The following AGBL1 variants were observed in gnomAD, a reference collection of about 807,000 sequenced individuals.
The protein encoded by AGBL1 is cytosolic carboxypeptidase 4.
In AGBL1, 130 loss-of-function variants were observed where a neutral mutation model predicts 118.9. The observed-to-expected ratio is 1.09, with a 90% confidence interval of 0.95 to 1.26. The LOEUF is 1.26. Ranked by LOEUF, AGBL1 falls within the 50% of genes most tolerant of loss-of-function variation. The pLI is 0.00. For synonymous variants in AGBL1, 555 were observed against 478.9 expected, an observed-to-expected ratio of 1.16 and a Z score of -2.08; for missense variants, 1,584 against 1,298.1, an observed-to-expected ratio of 1.22 and a Z score of -3.38.
chr15:86,633,871 ATATAATG>A (rs1453847053), intron 21 of AGBL1, among the ~76,000 whole-genome samples: 491 of 18,240 alleles, frequency 0.027, 6 homozygotes, highest in East Asian at 0.19. Context: ...TAATGTATAT[ATATAATG>A]TATATATATA....
rs755514874 is a variant in AGBL1 at position 86,925,099 on chromosome 15, C to CTCT, written c.3222-62888_3222-62887insTCT. 4.9e-3 allele frequency among the ~76,000 whole-genome samples: 590 copies of CTCT among 121,422 alleles called. 1 individual carries two copies. The highest frequency in any genetic ancestry group is 6.8e-3 in the Non-Finnish European group (393 of 58,198). 79.7% of individuals were successfully genotyped at this position (121,422 alleles called of 152,430 possible). The stretch of plus-strand genomic sequence containing the variant: ...CCTGTGTGACAGAGTGAGACTCTGT[C>CTCT]AAGAAGAAGAAGAAGAAGAAGAAGA... On this transcript the variant is annotated intron_variant, in intron 23 of 24. Coordinates refer to the AGBL1 transcript ENST00000441037.
chr15:86,988,036 T>G, exon 24 of AGBL1: 1 of 1,613,574 alleles, frequency 6.2e-7, no homozygotes, highest in East Asian at 2.2e-5. Flanking sequence ...TGCTTACCAC[T>G]TTTTTGCCAT....
At chr15:86,538,759 G>A (rs1175813284) in intron 19 of AGBL1, among the ~76,000 whole-genome samples, 1 of 152,252 alleles carries the variant, frequency 6.6e-6, no homozygotes, top group Non-Finnish European at 1.5e-5. Context: ...GGAAAGCACA[G>A]CAGTTTACAT....
chr15:86,602,762 A>C (rs1208883986), intron 21 of AGBL1, among the ~76,000 whole-genome samples: 1 of 152,218 alleles, frequency 6.6e-6, no homozygotes, highest in Non-Finnish European at 1.5e-5. Flanking sequence ...TGAAAATGAG[A>C]ATTCTGAAGT....
intron 18 of AGBL1, among the ~76,000 whole-genome samples, chr15:86,454,199 C>T (rs1160720258): frequency 6.6e-6 from 1 of 152,172 alleles, no homozygotes; most frequent in Non-Finnish European, 1.5e-5. Flanking sequence ...ACTGTGGTGG[C>T]TTCTGAGAGT....
At chr15:86,467,740 C>G (rs1244283493) in intron 18 of AGBL1, among the ~76,000 whole-genome samples, 1 of 152,210 alleles carries the variant, frequency 6.6e-6, no homozygotes, top group East Asian at 1.9e-4. Flanking sequence ...TCCCCAACCC[C>G]TTGCACTTCC....
intron 22 of AGBL1, among the ~76,000 whole-genome samples, chr15:86,683,102 G>A (rs2085990414): frequency 6.6e-6 from 1 of 152,134 alleles, no homozygotes; most frequent in Non-Finnish European, 1.5e-5. Context: ...GTGTACACAT[G>A]CTGATTACGA....
intron 22 of AGBL1, among the ~76,000 whole-genome samples, chr15:86,872,439 A>AT (rs1358014407): frequency 1.3e-5 from 2 of 152,198 alleles, no homozygotes; most frequent in Admixed American, 1.3e-4. Flanking sequence ...GCTTACTATT[A>AT]TTGCAGAGAA....
chr15:86,751,060 T>A (rs111455050), intron 22 of AGBL1, among the ~76,000 whole-genome samples: 2 of 152,118 alleles, frequency 1.3e-5, no homozygotes, highest in Admixed American at 6.6e-5. Flanking sequence ...TGTAGGTTGA[T>A]TCCATGTCTT....
downstream of AGBL1, among the ~76,000 whole-genome samples, chr15:86,919,847 A>C (rs968780155): frequency 2.0e-5 from 3 of 152,158 alleles, no homozygotes; most frequent in South Asian, 6.2e-4. Flanking sequence ...AAGCACTCAC[A>C]GTGTCTGGAG....
chr15:86,354,510 A>G (rs2080681786), intron 17 of AGBL1, among the ~76,000 whole-genome samples: 1 of 152,244 alleles, frequency 6.6e-6, no homozygotes, highest in African/African-American at 2.4e-5. Flanking sequence ...ATGATAACCA[A>G]CATTAAATAA....
At chr15:86,705,140 G>A (rs1041567916) in intron 22 of AGBL1, among the ~76,000 whole-genome samples, 7 of 152,242 alleles carry the variant, frequency 4.6e-5, no homozygotes, top group Middle Eastern at 3.4e-3. Flanking sequence ...TCAGTGGCTG[G>A]TGGGGGGCAA....
At chr15:86,608,026 G>A (rs1034647965) in intron 21 of AGBL1, among the ~76,000 whole-genome samples, 2 of 152,076 alleles carry the variant, frequency 1.3e-5, no homozygotes, top group Non-Finnish European at 2.9e-5. Flanking sequence ...TTCTTTCTGC[G>A]CCTGCATTTT....
chr15:86,609,753 GA>G (rs1193434689), intron 21 of AGBL1, among the ~76,000 whole-genome samples: 6 of 152,036 alleles, frequency 3.9e-5, no homozygotes, highest in South Asian at 2.1e-4. Flanking sequence ...AGTTAGGGGG[GA>G]AAAAGATTTG....
chr15:86,679,127 G>C (rs1350672797), intron 22 of AGBL1, among the ~76,000 whole-genome samples: 1 of 151,980 alleles, frequency 6.6e-6, no homozygotes, highest in South Asian at 2.1e-4. Context: ...AACCCACTGG[G>C]ATTTTAACTC....
intron 18 of AGBL1, among the ~76,000 whole-genome samples, chr15:86,444,030 A>T (rs1270735100): frequency 2.0e-5 from 3 of 152,180 alleles, no homozygotes; most frequent in Non-Finnish European, 4.4e-5. Flanking sequence ...GAATATCAGT[A>T]CTGTTTTCCA....
chr15:86,271,680 G>A lies in AGBL1; in HGVS notation c.2049G>A (p.Arg683=). The A allele has an allele frequency of 6.2e-7, 1 of 1,613,304 alleles. No homozygotes were observed. The highest frequency in any genetic ancestry group is 1.1e-5 in the South Asian group (1 of 91,064). The change falls in exon 15 of 23, where the codon AGG becomes AGA. Residue 683 remains arginine, a synonymous_variant. Coordinates refer to ENST00000614907, the MANE Select transcript of AGBL1 (RefSeq NM_001386094.1). ...EALLGKPTWI[R]TGHEICYYKN... ...TTCTTGGCAAACCCACCTGGATAAG[G>A]ACAGGCCATGAAATATGTTATTACA...
intron 21 of AGBL1, among the ~76,000 whole-genome samples, chr15:86,569,029 A>G (rs2083961561): frequency 1.3e-5 from 2 of 151,634 alleles, no homozygotes; most frequent in South Asian, 2.1e-4. Context: ...TTTCACTCCC[A>G]TATTCTCTAA....
intron 24 of AGBL1, among the ~76,000 whole-genome samples, chr15:87,006,837 TTAAACCTGGACTACAGCC>T (rs1024041164): frequency 3.3e-5 from 5 of 152,166 alleles, no homozygotes; most frequent in Non-Finnish European, 7.4e-5. Flanking sequence ...AGCCAAGATT[TTAAACCTGGACTACAGCC>T]TGAGAAGAAT....
Sources: allele counts gnomAD v4.1 joint callset (sites outside exome capture counted in the v4.1 genomes callset), GRCh38; gene constraint gnomAD v4.1.1; transcripts MANE v1.5; gene names NCBI Gene and HGNC (gene_info 2026-07-23, HGNC 2026-07-21).